Variants in GPHN observed in about 807,000 individuals in gnomAD.
GPHN encodes gephyrin.
Under a neutral mutation model 95.5 loss-of-function variants are expected in GPHN, and 17 were observed. The ratio of observed to expected loss-of-function variants is 0.18; its 90% CI spans 0.12 to 0.27. GPHN has a LOEUF of 0.27. GPHN is among the 10% of genes least tolerant of loss of function. The pLI, the probability that GPHN is intolerant of heterozygous loss-of-function variation, is 1.00. For missense variants in GPHN, 660 were observed against 978.1 expected (o/e 0.67, Z 4.34); for synonymous variants, 320 against 322.5 (o/e 0.99, Z 0.08).
the GPHN span, among the ~76,000 whole-genome samples, chr14:67,341,042 C>A: frequency 6.6e-6 from 1 of 152,154 alleles, no homozygotes; most frequent in Non-Finnish European, 1.5e-5. Context: ...ACCTCCCAGC[C>A]GCCTGCCTTG....
At chr14:67,273,777 G>A in the GPHN span, among the ~76,000 whole-genome samples, 15 of 152,156 alleles carry the variant, frequency 9.9e-5, no homozygotes, top group South Asian at 4.2e-4. Flanking sequence ...CATCCTCTCC[G>A]GCACCTGTTG....
chr14:67,196,261 G>T, the GPHN span, among the ~76,000 whole-genome samples: 8 of 147,064 alleles, frequency 5.4e-5, no homozygotes, highest in African/African-American at 2.0e-4. Flanking sequence ...TTGTCGCCCA[G>T]CCTGCAGTGC....
intron 17 of GPHN, among the ~76,000 whole-genome samples, chr14:67,137,892 CTT>C (rs1469564605): frequency 6.6e-6 from 1 of 152,222 alleles, no homozygotes; most frequent in African/African-American, 2.4e-5. Flanking sequence ...ATATGCCACT[CTT>C]TGTGAAAAGG....
intron 1 of GPHN, among the ~76,000 whole-genome samples, chr14:66,645,268 A>G (rs2064670451): frequency 6.6e-6 from 1 of 152,202 alleles, no homozygotes; most frequent in Non-Finnish European, 1.5e-5. Context: ...GTTGGTATGA[A>G]TTATAAGAAT....
intron 21 of GPHN, among the ~76,000 whole-genome samples, chr14:67,173,072 A>T (rs1433072462): frequency 6.6e-6 from 1 of 152,198 alleles, no homozygotes; most frequent in Admixed American, 6.5e-5. Context: ...CCTGAACCCA[A>T]GCTGCTAAGG....
chr14:67,080,382 C>A (rs2076644137), intron 11 of GPHN, among the ~76,000 whole-genome samples: 1 of 151,292 alleles, frequency 6.6e-6, no homozygotes, highest in Admixed American at 6.6e-5. Context: ...CTGTTGATTG[C>A]ATTCTTTGAT....
intron 1 of GPHN, among the ~76,000 whole-genome samples, chr14:66,677,690 T>C (rs986458496): frequency 7.8e-6 from 1 of 127,896 alleles, no homozygotes; most frequent in African/African-American, 4.2e-5. Context: ...GCCAGTCTTG[T>C]GGCCTAACAT....
At chr14:67,131,284 A>T (rs971768463) in intron 17 of GPHN, among the ~76,000 whole-genome samples, 1 of 152,056 alleles carries the variant, frequency 6.6e-6, no homozygotes, top group Non-Finnish European at 1.5e-5. Flanking sequence ...CAGGGTGGAA[A>T]AAGGATTTGT....
the GPHN span, among the ~76,000 whole-genome samples, chr14:67,709,639 T>A: frequency 6.6e-6 from 1 of 152,212 alleles, no homozygotes; most frequent in South Asian, 2.1e-4. Context: ...CTTGAGGAGT[T>A]TAATAGCTTT....
Position 67,159,433 on chromosome 14 carries a change from C to T in GPHN, c.1855C>T (p.Leu619=). Residue 619 remains leucine (L), a synonymous_variant, in exon 19 of 23, where the codon CTG becomes TTG. Transcript: ENST00000478722. ...MGEKDYLKQV[L]DIDLHAQIHF... is the part of the protein sequence containing the mutation. ...TTTGCAGGACTATCTCAAGCAGGTG[C>T]TGGACATTGATCTTCATGCTCAGAT... is the stretch of plus-strand genomic sequence containing the variant. 6.2e-7 allele frequency: 1 copy of T among 1,603,258 alleles called. No homozygotes were observed. Among genetic ancestry groups the T allele is most frequent in the Non-Finnish European group, 8.5e-7 (1 of 1,170,208 alleles).
chr14:67,457,261 A>G, the GPHN span, among the ~76,000 whole-genome samples: 3 of 152,162 alleles, frequency 2.0e-5, no homozygotes, highest in Non-Finnish European at 2.9e-5. Context: ...ACCTGCACAT[A>G]TACCCTTCAA....
At chr14:67,331,333 C>T in the GPHN span, among the ~76,000 whole-genome samples, 1 of 152,110 alleles carries the variant, frequency 6.6e-6, no homozygotes, top group African/African-American at 2.4e-5. Flanking sequence ...GCGGGGGAGC[C>T]CCTGCGCTGG....
chr14:66,619,882 G>T (rs1246264793), intron 1 of GPHN, among the ~76,000 whole-genome samples: 2 of 152,126 alleles, frequency 1.3e-5, no homozygotes, highest in African/African-American at 4.8e-5. Flanking sequence ...CAGCTTTTGT[G>T]TAGTTTTGGG....
the GPHN span, chr14:67,397,705 C>T: frequency 6.2e-7 from 1 of 1,613,520 alleles, no homozygotes; most frequent in Non-Finnish European, 8.5e-7. Flanking sequence ...GATGGTGCAG[C>T]CATCCAGGAG....
the GPHN span, among the ~76,000 whole-genome samples, chr14:67,458,708 T>G: frequency 6.6e-6 from 1 of 152,104 alleles, no homozygotes; most frequent in South Asian, 2.1e-4. Flanking sequence ...TTATATGCTA[T>G]TTTTTTCCTT....
the GPHN span, chr14:67,656,422 C>G: frequency 6.2e-7 from 1 of 1,609,794 alleles, no homozygotes; most frequent in South Asian, 1.1e-5. Context: ...TTACTCTACT[C>G]TTGGTACGTT....
chr14:67,069,334 C>A (rs1417721400), intron 11 of GPHN, among the ~76,000 whole-genome samples: 1 of 152,070 alleles, frequency 6.6e-6, no homozygotes, highest in Non-Finnish European at 1.5e-5. Flanking sequence ...TTGTAAATTA[C>A]AGAGTATTTA....
the GPHN span, among the ~76,000 whole-genome samples, chr14:67,557,890 T>C: frequency 6.6e-6 from 1 of 152,230 alleles, no homozygotes; most frequent in Non-Finnish European, 1.5e-5. Flanking sequence ...TACTTGATAC[T>C]TGGCTGTAGT....
chr14:67,439,438 A>C, the GPHN span, among the ~76,000 whole-genome samples: 3 of 152,214 alleles, frequency 2.0e-5, no homozygotes, highest in South Asian at 6.2e-4. Flanking sequence ...GACAATTTAC[A>C]GACTGACAAT....
Sources: allele counts gnomAD v4.1 joint callset (sites outside exome capture counted in the v4.1 genomes callset), GRCh38; gene constraint gnomAD v4.1.1; transcripts MANE v1.5; gene names NCBI Gene and HGNC (gene_info 2026-07-23, HGNC 2026-07-21).